Variants in PPWD1 observed in about 807,000 individuals in gnomAD.
PPWD1 encodes peptidylprolyl isomerase domain and WD repeat containing 1, also known as peptidylprolyl isomerase domain and WD repeat-containing protein 1.
Under a neutral mutation model 68.8 loss-of-function variants are expected in PPWD1, and 43 were observed. That is an observed-to-expected ratio of 0.62 (90% CI 0.49 to 0.81). PPWD1 has a LOEUF of 0.81. Ranked by LOEUF, PPWD1 falls within the 30% of genes least tolerant of loss-of-function variation. The pLI, the probability that PPWD1 is intolerant of heterozygous loss-of-function variation, is 0.00. For synonymous variants in PPWD1, 232 were observed against 258.7 expected, an observed-to-expected ratio of 0.90 and a Z score of 0.99; for missense variants, 672 against 804.8, an observed-to-expected ratio of 0.83 and a Z score of 2.00.
At chr5:65,586,251 A>G in intron 10 of PPWD1, 70 bp downstream of exon 10, 1 of 1,406,328 alleles carries the variant, frequency 7.1e-7, no homozygotes, top group Non-Finnish European at 9.7e-7. Context: ...AACTCAGTAG[A>G]AGAGCTGCAT....
chr5:65,582,676 A>G (rs528615521), intron 7 of PPWD1: 1 of 160,192 alleles, frequency 6.2e-6, no homozygotes, highest in Non-Finnish European at 1.4e-5. Flanking sequence ...CAATCTAAAT[A>G]ATGAACTGAG....
At chr5:65,584,516 C>T (rs923124941) in intron 8 of PPWD1, among the ~76,000 whole-genome samples, 8 of 152,052 alleles carry the variant, frequency 5.3e-5, no homozygotes, top group African/African-American at 1.9e-4. Flanking sequence ...AGGAACTTAA[C>T]CTATACTACT....
At chr5:65,582,827 C>T (rs1299807570) in intron 7 of PPWD1, 1 of 489,756 alleles carries the variant, frequency 2.0e-6, no homozygotes, top group African/African-American at 2.0e-5. Context: ...TCAATGTGTT[C>T]AGTATGTTAT....
intron 6 of PPWD1, among the ~76,000 whole-genome samples, chr5:65,578,782 GTGTA>G (rs1753445082): frequency 2.5e-5 from 3 of 120,296 alleles, no homozygotes; most frequent in Non-Finnish European, 3.7e-5. Flanking sequence ...ACATATATAT[GTGTA>G]TATATATATA....
chr5:65,578,251 C>T (rs1483754363), intron 6 of PPWD1, among the ~76,000 whole-genome samples: 1 of 152,192 alleles, frequency 6.6e-6, no homozygotes, highest in East Asian at 1.9e-4. Context: ...TACTGAAAGA[C>T]ATCTTGGTTG....
At chr5:65,576,163 A>T (rs539778251) in intron 5 of PPWD1, among the ~76,000 whole-genome samples, 2 of 145,668 alleles carry the variant, frequency 1.4e-5, no homozygotes, top group South Asian at 2.3e-4. Context: ...ATCAAACATT[A>T]AAATGAAATT....
Position 65,585,056 on chromosome 5 carries a change from T to C in PPWD1, c.1575T>C (p.Asn525=). ...AAAACTTCTGTGTTCACAGCAGAAA[T>C]GGTTATTATAATGGGCATACATTTC... ...TVENFCVHSR[N]GYYNGHTFHR... is the part of the protein sequence containing the mutation. Residue 525 remains asparagine (N), a synonymous_variant, in exon 9 of 11, where the codon AAT becomes AAC. Coordinates refer to ENST00000261308, the MANE Select transcript of PPWD1 (RefSeq NM_015342.4). 1 of 1,612,392 alleles carries C rather than the reference T, an allele frequency of 6.2e-7. No homozygotes were observed. Among genetic ancestry groups the C allele is most frequent in the South Asian group, 1.1e-5 (1 of 91,016 alleles).
intron 7 of PPWD1, 164 bp from the exon 8 acceptor site, chr5:65,582,869 ATAATT>A (rs1753657205): frequency 4.7e-6 from 4 of 860,124 alleles, no homozygotes; most frequent in African/African-American, 3.4e-5. Context: ...CAATGTAAAA[ATAATT>A]TAATTGCCTG....
At chr5:65,567,421 A>G in intron 1 of PPWD1, 92 bp from the exon 2 acceptor site, 2 of 1,383,918 alleles carry the variant, frequency 1.4e-6, no homozygotes, top group South Asian at 3.7e-5. Flanking sequence ...AATACCAAGT[A>G]GAGTGTAGAC....
intron 4 of PPWD1, among the ~76,000 whole-genome samples, chr5:65,571,106 C>T (rs1282876124): frequency 6.6e-6 from 1 of 152,054 alleles, no homozygotes; most frequent in Non-Finnish European, 1.5e-5. Context: ...GAATGTTTGC[C>T]CTTTGAGAAT....
intron 2 of PPWD1, chr5:65,567,841 G>A (rs1297083598): frequency 3.8e-6 from 3 of 781,450 alleles, no homozygotes; most frequent in African/African-American, 3.6e-5. Flanking sequence ...TAAATGCCAA[G>A]AGGGGAGTGA....
At chr5:65,573,353 G>C (rs895475188) in intron 5 of PPWD1, among the ~76,000 whole-genome samples, 3 of 147,934 alleles carry the variant, frequency 2.0e-5, no homozygotes. Flanking sequence ...GAGTGCAGTG[G>C]CATGATCCAG....
chr5:65,566,905 A>C (rs1752802128), intron 1 of PPWD1, among the ~76,000 whole-genome samples: 1 of 150,628 alleles, frequency 6.6e-6, no homozygotes, highest in African/African-American at 2.4e-5. Context: ...CTACTCTTTC[A>C]GGTGGATTTT....
rs760061427 is a variant in PPWD1, at chr5:65,570,036, G to C, written c.521+38G>C. 4.6e-6 allele frequency: 7 copies of C among 1,529,340 alleles called. No individual in the cohort carries two copies. In the East Asian group the frequency reaches 1.4e-4, roughly 31 times the overall value. The allele number at this position is 1,529,340 out of a possible 1,614,324, so 94.7% of individuals were successfully genotyped here. A position where few individuals can be genotyped will look rare whatever the true frequency, so the allele number is the denominator to read the frequency against. On this transcript the variant is annotated intron_variant, in intron 4 of 10. Transcript: ENST00000261308. ...AAAAGTATATATATTTTAACTTATTGAAGTAATTTGTAAATCAGACTTTAC... is the reference window on the plus strand; with the variant it reads ...AAAAGTATATATATTTTAACTTATTCAAGTAATTTGTAAATCAGACTTTAC...
intron 1 of PPWD1, 120 bp downstream of exon 1, chr5:65,563,626 T>G (rs1370447553): frequency 1.5e-6 from 2 of 1,365,806 alleles, no homozygotes; most frequent in Non-Finnish European, 1.0e-6. Context: ...CAGAGGGCCG[T>G]CCTCTCACTT....
intron 5 of PPWD1, among the ~76,000 whole-genome samples, chr5:65,574,795 T>G (rs1753210335): frequency 6.6e-6 from 1 of 152,250 alleles, no homozygotes; most frequent in Non-Finnish European, 1.5e-5. Context: ...TACTCTGAGC[T>G]GCTCAATCCA....
rs1339991209 is a variant in PPWD1 at position 65,572,061 on chromosome 5, A to G, written c.744A>G (p.Glu248=). Reference sequence around the variant, plus strand: ...CTTCTGACAAATCTGGGATGATTGAATACTGGACTGGGCCTCCTCATGAAT... The same window carrying G: ...CTTCTGACAAATCTGGGATGATTGAGTACTGGACTGGGCCTCCTCATGAAT... ...VVSSDKSGMI[E]YWTGPPHEYK... Residue 248 remains glutamate, a synonymous_variant, in exon 5 of 11, where the codon GAA becomes GAG. Transcript: ENST00000261308. The G allele has an allele frequency of 6.2e-7, 1 of 1,613,850 alleles. No homozygotes were observed. The highest frequency in any genetic ancestry group is 8.5e-7 in the Non-Finnish European group (1 of 1,179,826).
intron 5 of PPWD1, 131 bp downstream of exon 5, chr5:65,572,417 T>G (rs1352677769): frequency 3.1e-6 from 3 of 963,232 alleles, no homozygotes; most frequent in Admixed American, 5.9e-5. Flanking sequence ...ACATTAGAGA[T>G]ATTCAACTGT....
chr5:65,587,244 C>G lies in PPWD1; in HGVS notation c.1798-9C>G. The G allele has an allele frequency of 6.3e-7, 1 of 1,593,564 alleles. No homozygotes were observed. Among genetic ancestry groups the G allele is most frequent in the Non-Finnish European group, 8.5e-7 (1 of 1,170,016 alleles). ...TTTACCAAGATTTTCCATTTGTCCT[C>G]CAACACAGCCTTGGCTTGATAATAA... is the stretch of plus-strand genomic sequence containing the variant. On this transcript the variant is annotated splice_polypyrimidine_tract_variant and intron_variant, in intron 10 of 10. Transcript: ENST00000261308.
Sources: gnomAD v4.1 joint callset for allele counts (sites outside exome capture counted in the v4.1 genomes callset) on GRCh38, gnomAD v4.1.1 for gene constraint, MANE v1.5 for transcripts, NCBI Gene and HGNC (gene_info 2026-07-23, HGNC 2026-07-21) for gene names.